CWC27: variants seen among roughly 807,000 people sequenced by gnomAD.
The protein encoded by CWC27 is CWC27 spliceosome associated cyclophilin.
CWC27 carries 47 observed loss-of-function variants against 63.6 expected under a neutral mutation model. The observed-to-expected ratio is 0.74, with a 90% CI of 0.58 to 0.94. The LOEUF (loss-of-function observed/expected upper bound fraction) is 0.94, where lower values mean the gene tolerates loss of function less well. CWC27 is among the 40% of genes least tolerant of loss of function. CWC27 has a pLI of 0.00. For missense variants in CWC27, 495 were observed against 554.3 expected (o/e 0.89, Z 1.07); for synonymous variants, 175 against 179.8 (o/e 0.97, Z 0.22).
intron 11 of CWC27, among the ~76,000 whole-genome samples, chr5:64,911,490 A>G (rs966171690): frequency 4.6e-5 from 7 of 152,180 alleles, no homozygotes; most frequent in Non-Finnish European, 1.0e-4. Flanking sequence ...TAAAAAATAA[A>G]TCTCTATAAG....
intron 11 of CWC27, among the ~76,000 whole-genome samples, chr5:64,950,128 A>G (rs1395529657): frequency 6.6e-6 from 1 of 152,000 alleles, no homozygotes; most frequent in Non-Finnish European, 1.5e-5. Context: ...CTTATAATTA[A>G]TTTCATTTGT....
chr5:65,011,294 C>T (rs1749951599), intron 13 of CWC27, among the ~76,000 whole-genome samples: 1 of 152,184 alleles, frequency 6.6e-6, no homozygotes, highest in Non-Finnish European at 1.5e-5. Context: ...ACAGCAGTTA[C>T]ACTGTAGTAT....
At chr5:64,963,560 A>T (rs910287948) in intron 11 of CWC27, among the ~76,000 whole-genome samples, 1 of 152,232 alleles carries the variant, frequency 6.6e-6, no homozygotes, top group Non-Finnish European at 1.5e-5. Flanking sequence ...ACTTTATACT[A>T]ATATGATACA....
At chr5:64,943,799 G>A (rs886802979) in intron 11 of CWC27, among the ~76,000 whole-genome samples, 8 of 152,010 alleles carry the variant, frequency 5.3e-5, no homozygotes, top group Non-Finnish European at 1.0e-4. Flanking sequence ...AAGCAAAAGG[G>A]CTTTCTCCTT....
intron 10 of CWC27, chr5:64,807,604 C>T: frequency 1.3e-6 from 2 of 1,527,554 alleles, no homozygotes; most frequent in Non-Finnish European, 1.8e-6. Context: ...TCCAGCCCAC[C>T]TTCTCTATGC....
chr5:64,929,334 A>G (rs998506189), intron 11 of CWC27, among the ~76,000 whole-genome samples: 1 of 152,184 alleles, frequency 6.6e-6, no homozygotes, highest in African/African-American at 2.4e-5. Flanking sequence ...ACTGATTCCC[A>G]AGACCAGACC....
At chr5:64,799,449 G>A (rs921936668) in intron 7 of CWC27, among the ~76,000 whole-genome samples, 1 of 148,912 alleles carries the variant, frequency 6.7e-6, no homozygotes, top group Non-Finnish European at 1.5e-5. Context: ...AGCTGGGCGT[G>A]GTGGCGCATA....
At chr5:64,880,975 A>G (rs1746923104) in intron 10 of CWC27, among the ~76,000 whole-genome samples, 2 of 151,616 alleles carry the variant, frequency 1.3e-5, no homozygotes, top group South Asian at 2.1e-4. Flanking sequence ...ATATACTCCA[A>G]GCTTACAATT....
At chr5:64,816,818 A>G (rs1203983030) in intron 10 of CWC27, among the ~76,000 whole-genome samples, 1 of 152,132 alleles carries the variant, frequency 6.6e-6, no homozygotes, top group Non-Finnish European at 1.5e-5. Context: ...GAATGGCTGC[A>G]TCATTATTTC....
At chr5:64,787,595 C>T (rs1339114556) in intron 6 of CWC27, among the ~76,000 whole-genome samples, 4 of 151,588 alleles carry the variant, frequency 2.6e-5, no homozygotes, top group Non-Finnish European at 5.9e-5. Context: ...AAAGCTGTTT[C>T]ATTCAGTATT....
chr5:64,896,311 G>A (rs1747372692), intron 11 of CWC27, among the ~76,000 whole-genome samples: 1 of 152,110 alleles, frequency 6.6e-6, no homozygotes. Context: ...TATACTTATG[G>A]CAAAAGTTAG....
intron 13 of CWC27, among the ~76,000 whole-genome samples, chr5:65,001,642 C>T (rs1415469826): frequency 1.3e-5 from 2 of 152,044 alleles, no homozygotes; most frequent in Non-Finnish European, 2.9e-5. Context: ...GTATGTTGAA[C>T]CATAACTGCA....
At chr5:64,816,040 CT>C (rs1038650481) in intron 10 of CWC27, among the ~76,000 whole-genome samples, 2 of 152,132 alleles carry the variant, frequency 1.3e-5, no homozygotes, top group Non-Finnish European at 2.9e-5. Flanking sequence ...CATTTTCTCT[CT>C]TTTTTTGCAG....
At chr5:64,893,471 T>C (rs1398747422) in intron 11 of CWC27, among the ~76,000 whole-genome samples, 1 of 152,224 alleles carries the variant, frequency 6.6e-6, no homozygotes, top group Non-Finnish European at 1.5e-5. Flanking sequence ...AAAAAATGAT[T>C]AATGCAATAG....
chr5:64,902,162 C>A (rs1025039378), intron 11 of CWC27, among the ~76,000 whole-genome samples: 12 of 152,128 alleles, frequency 7.9e-5, no homozygotes, highest in African/African-American at 2.4e-5. Flanking sequence ...TTGTTATTAT[C>A]AAGTATTATG....
intron 10 of CWC27, among the ~76,000 whole-genome samples, chr5:64,872,219 A>G (rs1312296500): frequency 6.6e-6 from 1 of 152,136 alleles, no homozygotes; most frequent in African/African-American, 2.4e-5. Flanking sequence ...TTTAGGAGGA[A>G]TAGATGTGAC....
At chr5:65,010,284 C>T (rs911569577) in intron 13 of CWC27, among the ~76,000 whole-genome samples, 2 of 152,040 alleles carry the variant, frequency 1.3e-5, no homozygotes, top group Non-Finnish European at 2.9e-5. Context: ...ATGCTGCAGC[C>T]CACCTATGAT....
At chr5:64,813,355 T>C (rs1580631817) in intron 10 of CWC27, among the ~76,000 whole-genome samples, 1 of 152,164 alleles carries the variant, frequency 6.6e-6, no homozygotes, top group South Asian at 2.1e-4. Context: ...GAGAACCAGT[T>C]AATCCGTATC....
chr5:64,921,534 C>CT (rs1364403999), intron 11 of CWC27, among the ~76,000 whole-genome samples: 1 of 152,054 alleles, frequency 6.6e-6, no homozygotes, highest in Non-Finnish European at 1.5e-5. Context: ...TCTCTTTTTA[C>CT]TTTGAGCTTA....
Sources: allele counts gnomAD v4.1 joint callset (sites outside exome capture counted in the v4.1 genomes callset), GRCh38; gene constraint gnomAD v4.1.1; transcripts MANE v1.5; gene names NCBI Gene and HGNC (gene_info 2026-07-23, HGNC 2026-07-21).